JAZF1: variants seen among roughly 807,000 people sequenced by gnomAD.
JAZF1 encodes the protein juxtaposed with another zinc finger protein 1.
In JAZF1, 8 loss-of-function variants were observed where a neutral mutation model predicts 26.4. The ratio of observed to expected loss-of-function variants is 0.30; its 90% CI spans 0.18 to 0.55. The LOEUF (loss-of-function observed/expected upper bound fraction) is 0.55. Ranked by LOEUF, JAZF1 falls within the 20% of genes least tolerant of loss-of-function variation. The pLI is 0.94. For synonymous variants in JAZF1, 126 were observed against 122.3 expected (o/e 1.03, Z -0.20); for missense variants, 199 against 322.0 (o/e 0.62, Z 2.92).
intron 1 of JAZF1, among the ~76,000 whole-genome samples, chr7:28,143,080 GT>G (rs1782981252): frequency 6.6e-6 from 1 of 152,202 alleles, no homozygotes; most frequent in Non-Finnish European, 1.5e-5. Flanking sequence ...AGAATGAAGA[GT>G]TTTGTTTAAG....
chr7:27,891,851 GA>G (rs1045118203), intron 3 of JAZF1, among the ~76,000 whole-genome samples: 2 of 151,800 alleles, frequency 1.3e-5, no homozygotes, highest in African/African-American at 2.4e-5. Flanking sequence ...AAACAGAAAA[GA>G]AAAAAAATTG....
At chr7:28,007,943 A>G (rs1333858382) in intron 1 of JAZF1, among the ~76,000 whole-genome samples, 2 of 152,136 alleles carry the variant, frequency 1.3e-5, no homozygotes, top group African/African-American at 4.8e-5. Context: ...ATGCTTTGGA[A>G]GCACTGGGAT....
intron 2 of JAZF1, among the ~76,000 whole-genome samples, chr7:27,946,388 C>T (rs1784924633): frequency 6.6e-6 from 1 of 152,154 alleles, no homozygotes; most frequent in Non-Finnish European, 1.5e-5. Context: ...TCTGAAGGCA[C>T]TTTGAAATCT....
At chr7:27,986,638 T>TCCCCCCCCCCCCCCCCCCCCCC (rs1785715287) in intron 2 of JAZF1, among the ~76,000 whole-genome samples, 1 of 100,672 alleles carries the variant, frequency 9.9e-6, no homozygotes, top group African/African-American at 4.3e-5. Flanking sequence ...GGGCTCTCCC[T>TCCCCCCCCCCCCCCCCCCCCCC]CCCCCTCCCC....
intron 4 of JAZF1, among the ~76,000 whole-genome samples, chr7:27,839,034 A>G (rs1782872897): frequency 6.6e-6 from 1 of 152,210 alleles, no homozygotes; most frequent in Non-Finnish European, 1.5e-5. Context: ...AAACCCAAGC[A>G]AAGGAAAAGT....
chr7:28,148,597 CTTG>C (rs1476237766), intron 1 of JAZF1, among the ~76,000 whole-genome samples: 33 of 152,316 alleles, frequency 2.2e-4, no homozygotes, highest in African/African-American at 7.9e-4. Context: ...CTTGACTTGA[CTTG>C]TTATCATCAG....
intron 2 of JAZF1, among the ~76,000 whole-genome samples, chr7:27,902,253 A>G (rs1048808352): frequency 5.3e-5 from 8 of 152,274 alleles, no homozygotes; most frequent in Non-Finnish European, 1.0e-4. Flanking sequence ...CTAAAAAATT[A>G]TGAATAATGA....
chr7:28,094,724 C>T (rs1400970382), intron 1 of JAZF1, among the ~76,000 whole-genome samples: 1 of 152,186 alleles, frequency 6.6e-6, no homozygotes, highest in African/African-American at 2.4e-5. Flanking sequence ...TTCACCTCCA[C>T]TTATTCATGT....
intron 1 of JAZF1, among the ~76,000 whole-genome samples, chr7:28,178,165 T>C (rs571304088): frequency 2.2e-4 from 34 of 152,336 alleles, no homozygotes; most frequent in African/African-American, 7.7e-4. Context: ...GGGAATGAGG[T>C]AGCATTACTT....
intron 2 of JAZF1, among the ~76,000 whole-genome samples, chr7:27,920,012 G>C (rs1784503191): frequency 6.6e-6 from 1 of 152,174 alleles, no homozygotes; most frequent in African/African-American, 2.4e-5. Flanking sequence ...TCTTACAGGA[G>C]TGAATGCCTT....
chr7:27,903,640 C>T (rs1784203970), intron 2 of JAZF1, among the ~76,000 whole-genome samples: 1 of 152,206 alleles, frequency 6.6e-6, no homozygotes, highest in East Asian at 1.9e-4. Flanking sequence ...AACTCATACA[C>T]CTCTTCTTAC....
At chr7:28,111,512 C>T (rs974184177) in intron 1 of JAZF1, among the ~76,000 whole-genome samples, 2 of 152,150 alleles carry the variant, frequency 1.3e-5, no homozygotes, top group African/African-American at 2.4e-5. Flanking sequence ...AAAATATCAT[C>T]GCTTTCTATC....
chr7:27,885,906 C>T (rs1174913753), intron 3 of JAZF1, among the ~76,000 whole-genome samples: 1 of 152,088 alleles, frequency 6.6e-6, no homozygotes, highest in Non-Finnish European at 1.5e-5. Flanking sequence ...ATTGTCTGCC[C>T]AAAAAGGCTG....
chr7:27,854,109 C>T (rs1438861983), intron 3 of JAZF1, among the ~76,000 whole-genome samples: 1 of 152,192 alleles, frequency 6.6e-6, no homozygotes, highest in East Asian at 1.9e-4. Context: ...GCATGGATCC[C>T]TTTACCATTA....
intron 1 of JAZF1, among the ~76,000 whole-genome samples, chr7:28,009,108 G>C (rs1316417063): frequency 6.6e-6 from 1 of 152,176 alleles, no homozygotes; most frequent in Non-Finnish European, 1.5e-5. Context: ...ATGGAAGGCA[G>C]AGACTCTGAT....
At chr7:28,175,531 T>A (rs1207040024) in intron 1 of JAZF1, among the ~76,000 whole-genome samples, 1 of 152,226 alleles carries the variant, frequency 6.6e-6, no homozygotes, top group Non-Finnish European at 1.5e-5. Context: ...ACTATCCTCA[T>A]TTTACAGAGG....
chr7:28,121,606 C>T (rs144311238), intron 1 of JAZF1, among the ~76,000 whole-genome samples: 193 of 152,314 alleles, frequency 1.3e-3, no homozygotes, highest in African/African-American at 4.5e-3. Context: ...AACTGGTGCT[C>T]AATACTGTTT....
chr7:27,940,074 G>A (rs764334680), intron 2 of JAZF1, among the ~76,000 whole-genome samples: 1 of 152,208 alleles, frequency 6.6e-6, no homozygotes, highest in Non-Finnish European at 1.5e-5. Flanking sequence ...CTGTCTTCTG[G>A]GAAGAAGAAA....
chr7:28,168,276 G>C (rs995174473), intron 1 of JAZF1, among the ~76,000 whole-genome samples: 8 of 151,862 alleles, frequency 5.3e-5, no homozygotes, highest in African/African-American at 1.9e-4. Context: ...CAGCTACTCG[G>C]GAGGCTGAGA....
Sources: allele counts gnomAD v4.1 joint callset (sites outside exome capture counted in the v4.1 genomes callset), GRCh38; gene constraint gnomAD v4.1.1; transcripts MANE v1.5; gene names NCBI Gene and HGNC (gene_info 2026-07-23, HGNC 2026-07-21).